The following SYTL3 variants were observed in gnomAD, a reference collection of about 807,000 sequenced individuals.
The protein encoded by SYTL3 is synaptotagmin like 3.
A neutral mutation model predicts 82.1 loss-of-function variants in SYTL3; 88 were observed. The ratio of observed to expected loss-of-function variants is 1.07; its 90% CI spans 0.90 to 1.28. The LOEUF is 1.28. Among genes scored for constraint, SYTL3 ranks in the 50% most tolerant of loss-of-function variants. The pLI is 0.00. For missense variants in SYTL3, 831 were observed against 757.6 expected, an observed-to-expected ratio of 1.10 and a Z score of -1.14; for synonymous variants, 311 against 289.4, an observed-to-expected ratio of 1.07 and a Z score of -0.76.
chr6:158,757,208 C>A lies in SYTL3; in HGVS notation c.1138-3C>A, dbSNP rs750851532. The A allele has an allele frequency of 6.2e-7, 1 of 1,607,906 alleles. No homozygotes were observed. The highest frequency in any genetic ancestry group is 8.5e-7 in the Non-Finnish European group (1 of 1,179,516). On this transcript the variant is annotated splice_region_variant and splice_polypyrimidine_tract_variant and intron_variant, in intron 13 of 17. Coordinates refer to ENST00000611299, the MANE Select transcript of SYTL3 (RefSeq NM_001242394.2). ...GCTGACCATCTCTTCCTTGCCTCTGCAGTATCAGGTGGCCCCTGCCCAGCT... is the reference window on the plus strand; with the variant it reads ...GCTGACCATCTCTTCCTTGCCTCTGAAGTATCAGGTGGCCCCTGCCCAGCT...
intron 11 of SYTL3, among the ~76,000 whole-genome samples, chr6:158,741,472 A>G (rs1786917004): frequency 6.6e-6 from 1 of 152,130 alleles, no homozygotes. Flanking sequence ...AGGCGTTTCA[A>G]TTTTTGGTGC....
chr6:158,737,564 T>C (rs941683113), intron 11 of SYTL3, among the ~76,000 whole-genome samples: 1 of 152,212 alleles, frequency 6.6e-6, no homozygotes, highest in Non-Finnish European at 1.5e-5. Context: ...CAGATTGACT[T>C]TCTTTCAAAC....
upstream of SYTL3, among the ~76,000 whole-genome samples, chr6:158,648,021 C>A (rs1455994048): frequency 6.6e-6 from 1 of 152,218 alleles, no homozygotes; most frequent in Admixed American, 6.5e-5. Context: ...TGGCTGGGCG[C>A]AGTGGCTCAC....
chr6:158,756,044 GAAAT>G (rs539567998), intron 13 of SYTL3, among the ~76,000 whole-genome samples: 140 of 152,348 alleles, frequency 9.2e-4, no homozygotes, highest in African/African-American at 3.1e-3. Context: ...AGCCTGGTGT[GAAAT>G]AAATAAGTGT....
At position 158,682,355 on chromosome 6, in the gene SYTL3, C is replaced by CTTTTTTT. The variant is rs61526522; in HGVS notation, c.330-554_330-548dup. Among the ~76,000 whole-genome samples, 30 of 106,806 alleles carry CTTTTTTT rather than the reference C, an allele frequency of 2.8e-4. 5 individuals carry two copies. Among genetic ancestry groups the CTTTTTTT allele is most frequent in the African/African-American group, 6.4e-4 (15 of 23,594 alleles). The allele number at this position is 106,806 out of a possible 152,430, so 70.1% of individuals were successfully genotyped here. On this transcript the variant is annotated intron_variant, in intron 5 of 17. Transcript: ENST00000611299. ...TATATGTTAATATGCTTAACATTCA[C>CTTTTTTT]TTTTTTTTTTTTTTTTTTTTTTGAG... is the stretch of plus-strand genomic sequence containing the variant.
At chr6:158,668,592 C>T (rs1194185101) in intron 5 of SYTL3, among the ~76,000 whole-genome samples, 2 of 152,192 alleles carry the variant, frequency 1.3e-5, no homozygotes, top group East Asian at 1.9e-4. Flanking sequence ...GGAGCCTGAG[C>T]ATGTGCTCTT....
intron 10 of SYTL3, among the ~76,000 whole-genome samples, chr6:158,724,452 C>G (rs1032223944): frequency 1.3e-5 from 2 of 152,164 alleles, no homozygotes; most frequent in Admixed American, 1.3e-4. Context: ...CCACCAAAAA[C>G]TAAAGTCTCC....
chr6:158,657,001 A>C (rs747693325), intron 2 of SYTL3, among the ~76,000 whole-genome samples: 9 of 152,210 alleles, frequency 5.9e-5, no homozygotes, highest in Non-Finnish European at 8.8e-5. Flanking sequence ...GTAAGTGACC[A>C]GAATTTAAAT....
intron 6 of SYTL3, among the ~76,000 whole-genome samples, chr6:158,689,115 A>G (rs1779588616): frequency 6.6e-6 from 1 of 152,206 alleles, no homozygotes; most frequent in Non-Finnish European, 1.5e-5. Context: ...TTTCTGTTGC[A>G]TTTTTGAAAG....
chr6:158,685,310 T>C (rs954918557), intron 6 of SYTL3, among the ~76,000 whole-genome samples: 1 of 151,546 alleles, frequency 6.6e-6, no homozygotes, highest in African/African-American at 2.4e-5. Context: ...TCCTCCTGGG[T>C]TCAAGGGATT....
intron 8 of SYTL3, among the ~76,000 whole-genome samples, chr6:158,710,972 C>T (rs1304224990): frequency 6.6e-6 from 1 of 151,966 alleles, no homozygotes; most frequent in Non-Finnish European, 1.5e-5. Flanking sequence ...TCAGTAGAGA[C>T]GGGGTTTCAC....
intron 12 of SYTL3, among the ~76,000 whole-genome samples, chr6:158,748,308 C>A (rs527756678): frequency 1.3e-5 from 2 of 152,228 alleles, no homozygotes; most frequent in Admixed American, 6.5e-5. Context: ...TAGTACCAGA[C>A]AAATTAAGTA....
At chr6:158,763,177 T>C in intron 16 of SYTL3, 127 bp from the exon 17 acceptor site, 2 of 852,148 alleles carry the variant, frequency 2.3e-6, no homozygotes, top group Non-Finnish European at 3.8e-6. Context: ...CCTGCTTCAC[T>C]GGGGAGGGTG....
chr6:158,671,800 A>C (rs1463399276), intron 5 of SYTL3, among the ~76,000 whole-genome samples: 1 of 151,092 alleles, frequency 6.6e-6, no homozygotes, highest in East Asian at 1.9e-4. Context: ...CTATATTTTT[A>C]TAATTATTAT....
chr6:158,751,765 G>A (rs757096994), intron 12 of SYTL3, among the ~76,000 whole-genome samples, 163 bp from the exon 13 acceptor site: 13 of 152,164 alleles, frequency 8.5e-5, no homozygotes, highest in Admixed American at 1.3e-4. Context: ...CAGCACTAAC[G>A]TTGCTCACTA....
In SYTL3 at chr6:158,752,027, G is replaced by A. The variant is rs1788457273; in HGVS notation, c.1134G>A (p.Leu378=). 1.3e-6 allele frequency: 2 copies of A among 1,592,234 alleles called. No homozygotes were observed. The highest frequency in any genetic ancestry group is 2.7e-5 in the African/African-American group (2 of 73,616). Residue 378 remains leucine, a synonymous_variant, in exon 13 of 18, where the codon TTG becomes TTA. Transcript: ENST00000611299. ...TGGACCCGACCTTTCAGGAGACCTT[G>A]AAGGTACTTGCTGGACAGATATTCC... ...NTVDPTFQET[L]KYQVAPAQLV...
intron 5 of SYTL3, among the ~76,000 whole-genome samples, chr6:158,673,977 C>T (rs575605721): frequency 6.6e-4 from 100 of 150,704 alleles, no homozygotes; most frequent in African/African-American, 2.3e-3. Context: ...CCAGCTACTC[C>T]GGAGGCTGAG....
intron 6 of SYTL3, among the ~76,000 whole-genome samples, chr6:158,684,265 G>C (rs972790176): frequency 6.6e-6 from 1 of 152,150 alleles, no homozygotes; most frequent in Non-Finnish European, 1.5e-5. Flanking sequence ...AGCCCAAGTT[G>C]GGGGACGTGA....
intron 6 of SYTL3, among the ~76,000 whole-genome samples, chr6:158,700,266 T>C (rs892365137): frequency 6.6e-6 from 1 of 151,948 alleles, no homozygotes; most frequent in African/African-American, 2.4e-5. Flanking sequence ...CATAAATAAA[T>C]AAATAAACAA....
Sources: allele counts gnomAD v4.1 joint callset (sites outside exome capture counted in the v4.1 genomes callset), GRCh38; gene constraint gnomAD v4.1.1; transcripts MANE v1.5; gene names NCBI Gene and HGNC (gene_info 2026-07-23, HGNC 2026-07-21).